Variants in ATG9A observed in about 807,000 individuals in gnomAD.
The protein encoded by ATG9A is autophagy-related protein 9A.
In ATG9A, 21 loss-of-function variants were observed where a neutral mutation model predicts 87.1. The observed-to-expected ratio is 0.24, with a 90% confidence interval of 0.17 to 0.35. ATG9A has a LOEUF of 0.35. Among genes scored for constraint, ATG9A ranks in the 10% least tolerant of loss-of-function variants. The pLI, the probability that ATG9A is intolerant of heterozygous loss-of-function variation, is 1.00. For missense variants in ATG9A, 836 were observed against 1,107.3 expected (o/e 0.76, Z 3.48); for synonymous variants, 422 against 441.3 (o/e 0.96, Z 0.55).
chr2:219,220,942 G>A lies in ATG9A; in HGVS notation c.2369-50C>T, dbSNP rs781440441. 56 of 1,610,060 alleles carry A rather than the reference G, an allele frequency of 3.5e-5. No individual in the cohort carries two copies. The Admixed American group carries it at 9.2e-4, about 26-fold the overall frequency. On this transcript the variant is annotated intron_variant, in intron 14 of 15. Transcript: ENST00000361242. ...ATACTCATAGAAGGAACACAAGAATGAGGAACAGGGCTGGGGGGCTGCTTG... is the reference window on the plus strand; with the variant it reads ...ATACTCATAGAAGGAACACAAGAATAAGGAACAGGGCTGGGGGGCTGCTTG...
intron 14 of ATG9A, 79 bp from the exon 15 acceptor site, chr2:219,220,971 G>A: frequency 1.9e-6 from 3 of 1,592,598 alleles, no homozygotes; most frequent in South Asian, 2.2e-5. Flanking sequence ...CTGCTTGGGG[G>A]GTGAGTCTTT....
chr2:219,221,370 C>T (rs1950756024), intron 13 of ATG9A, 68 bp from the exon 14 acceptor site: 1 of 1,418,572 alleles, frequency 7.0e-7, no homozygotes, highest in Non-Finnish European at 9.4e-7. Flanking sequence ...GCCCTCCAAC[C>T]TGGTATCAGT....
Position 219,223,917 on chromosome 2 carries a change from G to A in ATG9A, c.1371C>T (p.His457=), listed in dbSNP as rs1007429625. The A allele has an allele frequency of 6.2e-7, 1 of 1,614,214 alleles. No individual in the cohort carries two copies. The highest frequency in any genetic ancestry group is 8.5e-7 in the Non-Finnish European group (1 of 1,180,038). ...YMPDHWQGNA[H]RSQTRDEFAQ... is the part of the protein sequence containing the mutation. ...CAAACTCGTCCCGGGTCTGCGAGCG[G>A]TGGGCATTACCCTGCCAGTGGTCAG... Residue 457 remains histidine, a synonymous_variant, in exon 9 of 16, where the codon CAC becomes CAT. Transcript: ENST00000361242. The surrounding 1 kb of genome is among the most constrained non-coding windows in gnomAD (Gnocchi z 4.7).
At position 219,223,792 on chromosome 2, in the gene ATG9A, C is replaced by T. The variant is rs763065067; in HGVS notation, c.1420-28G>A. On this transcript the variant is annotated intron_variant, in intron 9 of 15. Transcript: ENST00000361242. The surrounding 1 kb of genome is among the most constrained non-coding windows in gnomAD (Gnocchi z 4.7). ...AAAAGGGCGGGACCAAGGTCACAAG[C>T]GAGCAGGAGGGAGCCCAGCCCTCAC... 60 of 1,613,392 alleles carry T rather than the reference C, an allele frequency of 3.7e-5. No homozygotes were observed. In the East Asian group the frequency reaches 5.6e-4, roughly 15 times the overall value.
Position 219,224,996 on chromosome 2 carries a change from T to C in ATG9A, c.516+75A>G, listed in dbSNP as rs1210718769. On this transcript the variant is annotated intron_variant, in intron 7 of 15. Coordinates refer to ENST00000361242, the MANE Select transcript of ATG9A (RefSeq NM_001077198.3). The surrounding 1 kb of genome is among the most constrained non-coding windows in gnomAD (Gnocchi z 7.7). ...TTTGTCAATGACAGATAAGGATAAC[T>C]GATGCCCAGGAATACACCCACACCT... The C allele has an allele frequency of 1.3e-6, 2 of 1,593,056 alleles. No individual in the cohort carries two copies. The highest frequency in any genetic ancestry group is 1.7e-5 in the Admixed American group (1 of 59,668).
At position 219,222,412 on chromosome 2, in the gene ATG9A, G is replaced by A. The variant is rs1432604542; in HGVS notation, c.1887C>T (p.Ser629=). ...CTCTGGGCAGTGGAGGGCCCCGGCA[G>A]GATGAGCCAGCTACCACATTTGCGA... ...SLIANVVAGS[S]CRGPPLPRDL... is the part of the protein sequence containing the mutation. Residue 629 remains serine (S), a synonymous_variant, in exon 12 of 16, where the codon TCC becomes TCT. Transcript: ENST00000361242. The surrounding 1 kb of genome is among the most constrained non-coding windows in gnomAD (Gnocchi z 4.3). 2 of 1,581,542 alleles carry A rather than the reference G, an allele frequency of 1.3e-6. No individual in the cohort carries two copies. The highest frequency in any genetic ancestry group is 1.7e-6 in the Non-Finnish European group (2 of 1,164,666).
Position 219,227,926 on chromosome 2 carries a change from G to C in ATG9A, c.99C>G (p.Ser33Arg). ...CTGTCATATCCAAGAACTCACACTT[G>C]CTCCCCTCGGCGACGTGCACCAACA... ...EDLLVHVAEG[S>R]KSPWHHIENL... is the part of the protein sequence containing the mutation. The change falls in exon 3 of 16, where the codon AGC becomes AGG. Residue 33 changes from serine to arginine, a missense_variant. This residue lies in a region of ATG9A where 512 missense variants were observed against 759.6 expected (regional missense o/e 0.67). Transcript: ENST00000361242. The C allele has an allele frequency of 6.2e-7, 1 of 1,614,082 alleles. No individual in the cohort carries two copies. Among genetic ancestry groups the C allele is most frequent in the Non-Finnish European group, 8.5e-7 (1 of 1,179,976 alleles).
In ATG9A at chr2:219,224,764, G is replaced by A. The variant is rs1286176015; in HGVS notation, c.607C>T (p.Leu203=). ...EHQICIHKRE[L]TELDIYHRIL... ...CGGTGGTAGATGTCCAGTTCTGTCA[G>A]CTCACGTTTGTGGATGCAGATCTGG... Residue 203 remains leucine (L), a synonymous_variant, in exon 8 of 16, where the codon CTG becomes TTG. Coordinates refer to ENST00000361242, the MANE Select transcript of ATG9A (RefSeq NM_001077198.3). This position sits in a 1 kb window ranked among gnomAD's most constrained non-coding sequence, Gnocchi z 7.7. The A allele has an allele frequency of 3.1e-6, 5 of 1,614,226 alleles. No individual in the cohort carries two copies. In the East Asian group the frequency reaches 6.7e-5, roughly 22 times the overall value.
rs1044545111 is a variant in ATG9A, at chr2:219,227,678, T to G, written c.147+92A>C. 2.1e-6 allele frequency: 3 copies of G among 1,455,908 alleles called. No individual in the cohort carries two copies. In the African/African-American group the frequency reaches 4.2e-5, roughly 21 times the overall value. 90.2% of individuals were successfully genotyped at this position (1,455,908 alleles called of 1,614,324 possible). On this transcript the variant is annotated intron_variant, in intron 4 of 15. Transcript: ENST00000361242. ...GAGCTCCATTCCCGTTTCCAGGTATTAGAGTCAAACCTACCCCCACCTCCC... is the reference window on the plus strand; with the variant it reads ...GAGCTCCATTCCCGTTTCCAGGTATGAGAGTCAAACCTACCCCCACCTCCC...
rs751360906 is a variant in ATG9A, at chr2:219,225,102, G to A, written c.485C>T (p.Ser162Phe). The change falls in exon 7 of 16, where the codon TCC becomes TTC. Residue 162 changes from serine (S) to phenylalanine (F), a missense_variant. Transcript: ENST00000361242. ...GATGCGCAGAGCGTGCAGGTAGAAG[G>A]AGTGGATCTCCCAGTAGCAGCAAAT... The part of the protein sequence containing the change: ...YNICCYWEIH[S>F]FYLHALRIPM... 1 of 1,614,196 alleles carries A rather than the reference G, an allele frequency of 6.2e-7. No homozygotes were observed. Among genetic ancestry groups the A allele is most frequent in the African/African-American group, 1.3e-5 (1 of 75,064 alleles).
chr2:219,227,119 CAT>C (rs1950877895), intron 4 of ATG9A, among the ~76,000 whole-genome samples, 186 bp from the exon 5 acceptor site: 1 of 152,220 alleles, frequency 6.6e-6, no homozygotes, highest in African/African-American at 2.4e-5. Flanking sequence ...ACACTTGTCT[CAT>C]AGGAGTATTA....
rs373011228 is a variant in ATG9A at position 219,222,294 on chromosome 2, G to T, written c.2005C>A (p.His669Asn). The T allele has an allele frequency of 1.1e-5, 17 of 1,613,348 alleles. No individual in the cohort carries two copies. Among genetic ancestry groups the T allele is most frequent in the Non-Finnish European group, 1.4e-5 (16 of 1,180,040 alleles). Residue 669 changes from histidine to asparagine, a missense_variant, in exon 12 of 16, where the codon CAC becomes AAC. Transcript: ENST00000361242. This position sits in a 1 kb window ranked among gnomAD's most constrained non-coding sequence, Gnocchi z 4.3. ...CACCCAGAGCCTGTCATGGTGCTGTGAGCCCGGCCTGTGGGCGCCTGCCCG... is the reference window on the plus strand; with the variant it reads ...CACCCAGAGCCTGTCATGGTGCTGTTAGCCCGGCCTGTGGGCGCCTGCCCG... ...QPGQAPTGRA[H>N]STMTGSGVDA...
Position 219,223,437 on chromosome 2 carries a change from G to T in ATG9A, c.1599+148C>A. On this transcript the variant is annotated intron_variant, in intron 10 of 15. Coordinates refer to ENST00000361242, the MANE Select transcript of ATG9A (RefSeq NM_001077198.3). This position sits in a 1 kb window ranked among gnomAD's most constrained non-coding sequence, Gnocchi z 4.7. ...TTGGCCAAGGGTGCGAATTAGGGCT[G>T]AAATCCAGCCCAGGCTCCCAAGCAG... 9.5e-7 allele frequency: 1 copy of T among 1,053,212 alleles called. No homozygotes were observed. Among genetic ancestry groups the T allele is most frequent in the Non-Finnish European group, 1.3e-6 (1 of 759,172 alleles). The allele number at this position is 1,053,212 out of a possible 1,614,324, so 65.2% of individuals were successfully genotyped here.
intron 14 of ATG9A, 81 bp downstream of exon 14, chr2:219,220,999 C>T: frequency 6.3e-7 from 1 of 1,591,584 alleles, no homozygotes; most frequent in Non-Finnish European, 8.6e-7. Context: ...TTCTCTCAGA[C>T]CTCTTTCCTC....
chr2:219,219,795 T>A lies in ATG9A; in HGVS notation c.*652A>T, dbSNP rs915136432. Reference sequence around the variant, plus strand: ...ATCCTGCTCCTACAATTTAGAAACCTTCTTTTTTAGTGTCAAAATATAGCG... The same window carrying A: ...ATCCTGCTCCTACAATTTAGAAACCATCTTTTTTAGTGTCAAAATATAGCG... On this transcript the variant is annotated 3_prime_UTR_variant, in exon 16 of 16. Coordinates refer to ENST00000361242, the MANE Select transcript of ATG9A (RefSeq NM_001077198.3). 3 of 152,350 alleles carry A rather than the reference T, an allele frequency of 2.0e-5. No individual in the cohort carries two copies. The highest frequency in any genetic ancestry group is 7.2e-5 in the African/African-American group (3 of 41,558). The allele number at this position is 152,350 out of a possible 1,614,324, so 9.4% of individuals were successfully genotyped here.
At chr2:219,226,285 A>G (rs1287755128) in intron 5 of ATG9A, among the ~76,000 whole-genome samples, 1 of 151,982 alleles carries the variant, frequency 6.6e-6, no homozygotes, top group African/African-American at 2.4e-5. Flanking sequence ...TAATTTTTGT[A>G]TTTTTAGAGC....
chr2:219,222,649 G>C lies in ATG9A; in HGVS notation c.1844C>G (p.Ser615Cys), dbSNP rs1283119560. 5 of 1,614,038 alleles carry C rather than the reference G, an allele frequency of 3.1e-6. No individual in the cohort carries two copies. The South Asian group carries it at 4.4e-5, about 14-fold the overall frequency. Residue 615 changes from serine (S) to cysteine (C), a missense_variant, in exon 11 of 16, where the codon TCT becomes TGT. Physicochemically the swap from Ser to Cys is moderately radical, Grantham distance 112 (BLOSUM62 -1). Around this residue, in one of 2 missense-constraint regions of ATG9A, gnomAD observed 324 missense variants for 347.6 expected, o/e 0.93. Coordinates refer to ENST00000361242, the MANE Select transcript of ATG9A (RefSeq NM_001077198.3). The surrounding 1 kb of genome is among the most constrained non-coding windows in gnomAD (Gnocchi z 4.3). ...TCCCAGTCACCAGGAACACACCTCA[G>C]ACTCAGATTGTAAGGACTGGATAGA... ...FTSIQSLQSE[S>C]EPLSLIANVV...
chr2:219,221,820 A>G (rs770314186), intron 13 of ATG9A, among the ~76,000 whole-genome samples: 2 of 152,134 alleles, frequency 1.3e-5, no homozygotes, highest in African/African-American at 4.8e-5. Context: ...CAGAGACCCA[A>G]GAAGAAGGAG....
In ATG9A at chr2:219,220,224, TGAGGC is replaced by T; in HGVS notation, c.*218_*222del. On this transcript the variant is annotated 3_prime_UTR_variant, in exon 16 of 16. Transcript: ENST00000361242. ...CTCTGAGCCAAGGGGGTCCTGGGGA[TGAGGC>T]TAGAGTCCCGTGTGCCCTCGGTTCC... The T allele has an allele frequency of 1.8e-6, 1 of 557,284 alleles. No homozygotes were observed. Among genetic ancestry groups the T allele is most frequent in the South Asian group, 2.6e-5 (1 of 38,586 alleles). 34.5% of individuals were successfully genotyped at this position (557,284 alleles called of 1,614,324 possible).
Sources: allele counts gnomAD v4.1 joint callset (sites outside exome capture counted in the v4.1 genomes callset), GRCh38; gene constraint gnomAD v4.1.1; regional missense constraint gnomAD v4.1.1; non-coding constraint Gnocchi (gnomAD v3.1); transcripts MANE v1.5; gene names NCBI Gene and HGNC (gene_info 2026-07-23, HGNC 2026-07-21).